CDH18: variants seen among roughly 807,000 people sequenced by gnomAD.
CDH18 encodes the protein cadherin 18, also known as cadherin-18.
Under a neutral mutation model 67.9 loss-of-function variants are expected in CDH18, and 31 were observed. The observed-to-expected ratio is 0.46, with a 90% CI of 0.34 to 0.62. The LOEUF (loss-of-function observed/expected upper bound fraction) is 0.62, where lower values mean the gene tolerates loss of function less well. Among genes scored for constraint, CDH18 ranks in the 20% least tolerant of loss-of-function variants. The pLI is 0.01. For synonymous variants in CDH18, 362 were observed against 347.2 expected, an observed-to-expected ratio of 1.04 and a Z score of -0.48; for missense variants, 890 against 975.5, an observed-to-expected ratio of 0.91 and a Z score of 1.17.
At chr5:19,507,610 A>T (rs1183353392) in intron 10 of CDH18, among the ~76,000 whole-genome samples, 4 of 152,126 alleles carry the variant, frequency 2.6e-5, no homozygotes, top group Admixed American at 2.6e-4. Flanking sequence ...TTGTAGGGAC[A>T]TGGATGAAGC....
At chr5:20,135,426 C>T (rs908394546) in intron 2 of CDH18, among the ~76,000 whole-genome samples, 9 of 152,018 alleles carry the variant, frequency 5.9e-5, no homozygotes, top group Admixed American at 4.6e-4. Flanking sequence ...TCTGTGGGAT[C>T]GGTGGTTATA....
intron 5 of CDH18, among the ~76,000 whole-genome samples, chr5:19,710,892 A>T (rs1561114613): frequency 1.3e-5 from 2 of 152,126 alleles, no homozygotes; most frequent in Admixed American, 6.6e-5. Context: ...TAGTACTAAC[A>T]TAAAAATAGA....
rs1037641888 is a variant in CDH18 at position 19,516,374 on chromosome 5, T to A, written c.1512+4283A>T. On this transcript the variant is annotated intron_variant, in intron 10 of 12. Transcript: ENST00000382275. Reference sequence around the variant, plus strand: ...TGATGCTGGCCTCATAAAATGAGTTTGGGAGGATTCCCTCTTTTTCTATTG... The same window carrying A: ...TGATGCTGGCCTCATAAAATGAGTTAGGGAGGATTCCCTCTTTTTCTATTG... Among the ~76,000 whole-genome samples the A allele has an allele frequency of 1.3e-5, 2 of 152,158 alleles. 1 individual carries two copies. Among genetic ancestry groups the A allele is most frequent in the Non-Finnish European group, 2.9e-5 (2 of 67,926 alleles).
chr5:19,966,688 T>G (rs993229017), intron 2 of CDH18, among the ~76,000 whole-genome samples: 1 of 152,010 alleles, frequency 6.6e-6, no homozygotes. Context: ...CTGGAGCAGA[T>G]TTTCTTTCCA....
At chr5:20,328,504 TGTGTGAGAGA>T (rs887497778) in intron 1 of CDH18, among the ~76,000 whole-genome samples, 2 of 107,936 alleles carry the variant, frequency 1.9e-5, no homozygotes, top group African/African-American at 7.0e-5. Flanking sequence ...TGTGTGTGTG[TGTGTGAGAGA>T]GAGAGAGAGA....
intron 2 of CDH18, among the ~76,000 whole-genome samples, chr5:19,966,705 A>C (rs1448506808): frequency 1.3e-5 from 2 of 152,034 alleles, no homozygotes; most frequent in African/African-American, 4.8e-5. Context: ...TCCAATAGTA[A>C]ACTACTAGTT....
At chr5:19,964,348 A>G (rs1797214348) in intron 2 of CDH18, among the ~76,000 whole-genome samples, 1 of 151,754 alleles carries the variant, frequency 6.6e-6, no homozygotes, top group South Asian at 2.1e-4. Flanking sequence ...TGGAAGGCCA[A>G]GGTGGAAGGA....
chr5:19,637,192 TTTC>T (rs1454621170), intron 5 of CDH18, among the ~76,000 whole-genome samples: 4 of 152,036 alleles, frequency 2.6e-5, no homozygotes, highest in Non-Finnish European at 5.9e-5. Context: ...TCCTTCTTTC[TTTC>T]TTCTGATTTT....
At chr5:19,892,421 T>A (rs1788870695) in intron 2 of CDH18, among the ~76,000 whole-genome samples, 1 of 152,286 alleles carries the variant, frequency 6.6e-6, no homozygotes, top group Non-Finnish European at 1.5e-5. Context: ...GGGCATCAAC[T>A]TTGTAATGTT....
chr5:20,238,647 A>C (rs995465562), intron 2 of CDH18, among the ~76,000 whole-genome samples: 1 of 152,196 alleles, frequency 6.6e-6, no homozygotes, highest in African/African-American at 2.4e-5. Context: ...GCAGTTAAAC[A>C]TATATTAAAA....
intron 1 of CDH18, among the ~76,000 whole-genome samples, chr5:20,418,142 C>T (rs11956905): frequency 6.6e-6 from 1 of 151,426 alleles, no homozygotes; most frequent in African/African-American, 2.4e-5. Flanking sequence ...GTGGCGCAAT[C>T]TTGGCTCACC....
At chr5:20,547,248 A>G (rs959625168) in intron 1 of CDH18, among the ~76,000 whole-genome samples, 2 of 152,126 alleles carry the variant, frequency 1.3e-5, no homozygotes, top group African/African-American at 4.8e-5. Flanking sequence ...GTTGAAAATA[A>G]AACTAAAACC....
intron 1 of CDH18, among the ~76,000 whole-genome samples, chr5:20,453,275 C>T (rs886510663): frequency 2.0e-5 from 3 of 152,144 alleles, no homozygotes; most frequent in Admixed American, 6.6e-5. Context: ...CTTTAAGCTG[C>T]CCCGTCACTT....
chr5:19,540,502 C>G (rs559262519), intron 9 of CDH18, among the ~76,000 whole-genome samples: 1 of 152,154 alleles, frequency 6.6e-6, no homozygotes, highest in Admixed American at 6.5e-5. Flanking sequence ...CCCTTCTGTA[C>G]TGCCTTACAG....
chr5:20,396,206 A>C (rs1580900082), intron 1 of CDH18, among the ~76,000 whole-genome samples: 1 of 152,176 alleles, frequency 6.6e-6, no homozygotes, highest in East Asian at 1.9e-4. Flanking sequence ...CTGAGTCCTT[A>C]GTCTTGGTAT....
chr5:20,286,302 T>C (rs926943487), intron 1 of CDH18, among the ~76,000 whole-genome samples: 1 of 151,664 alleles, frequency 6.6e-6, no homozygotes, highest in African/African-American at 2.4e-5. Context: ...TTGTTACACA[T>C]AGCAGTAGTA....
intron 11 of CDH18, among the ~76,000 whole-genome samples, chr5:19,489,519 T>A (rs1269025772): frequency 6.6e-6 from 1 of 152,112 alleles, no homozygotes; most frequent in African/African-American, 2.4e-5. Flanking sequence ...AGTGCTGGGA[T>A]TACAGGTGTG....
chr5:20,452,656 G>A (rs1037525416), intron 1 of CDH18, among the ~76,000 whole-genome samples: 1 of 152,010 alleles, frequency 6.6e-6, no homozygotes, highest in Non-Finnish European at 1.5e-5. Flanking sequence ...TAACTATTGT[G>A]TATGAGGCTT....
At chr5:20,567,036 G>C (rs903205812) in intron 1 of CDH18, among the ~76,000 whole-genome samples, 10 of 152,088 alleles carry the variant, frequency 6.6e-5, no homozygotes, top group African/African-American at 2.4e-4. Context: ...CTCATTTTCT[G>C]TTATCAACTC....
Sources: allele counts gnomAD v4.1 joint callset (sites outside exome capture counted in the v4.1 genomes callset), GRCh38; gene constraint gnomAD v4.1.1; transcripts MANE v1.5; gene names NCBI Gene and HGNC (gene_info 2026-07-23, HGNC 2026-07-21).